The following RHOU variants were observed in gnomAD, a reference collection of about 807,000 sequenced individuals.
The protein encoded by RHOU is ras homolog family member U.
RHOU carries 8 observed loss-of-function variants against 12.6 expected under a neutral mutation model. That is an observed-to-expected ratio of 0.64 (90% CI 0.37 to 1.15). The LOEUF is 1.15. Ranked by LOEUF, RHOU falls within the 50% of genes most tolerant of loss-of-function variation. The pLI, the probability that RHOU is intolerant of heterozygous loss-of-function variation, is 0.01. For synonymous variants in RHOU, 161 were observed against 147.4 expected (o/e 1.09, Z -0.67); for missense variants, 258 against 347.0 (o/e 0.74, Z 2.04).
chr1:228,699,878 A>G, the RHOU span, among the ~76,000 whole-genome samples: 1 of 152,188 alleles, frequency 6.6e-6, no homozygotes, highest in Non-Finnish European at 1.5e-5. Flanking sequence ...GTTGAATGAA[A>G]TCTCTCTATA....
At chr1:228,654,035 G>A in the RHOU span, among the ~76,000 whole-genome samples, 1 of 151,798 alleles carries the variant, frequency 6.6e-6, no homozygotes, top group Non-Finnish European at 1.5e-5. Flanking sequence ...ATTTTTCTAG[G>A]TTCCCCCAAT....
chr1:228,689,294 G>A, the RHOU span, among the ~76,000 whole-genome samples: 5 of 152,168 alleles, frequency 3.3e-5, no homozygotes, highest in East Asian at 7.7e-4. Flanking sequence ...GCCAGACAAT[G>A]TGAAAGGGTA....
the RHOU span, among the ~76,000 whole-genome samples, chr1:228,683,935 A>G: frequency 6.6e-6 from 1 of 152,272 alleles, no homozygotes; most frequent in Non-Finnish European, 1.5e-5. Flanking sequence ...GACAATTGGA[A>G]TGATGGGTCA....
At chr1:228,671,498 C>T in the RHOU span, among the ~76,000 whole-genome samples, 4 of 151,722 alleles carry the variant, frequency 2.6e-5, no homozygotes, top group Non-Finnish European at 4.4e-5. Flanking sequence ...AAGTGGATTA[C>T]GTTAGGTCAG....
At chr1:228,649,026 G>C in the RHOU span, among the ~76,000 whole-genome samples, 6 of 152,044 alleles carry the variant, frequency 3.9e-5, no homozygotes, top group Non-Finnish European at 8.8e-5. Flanking sequence ...AACCTCGCCT[G>C]GCTAGTTTTT....
chr1:228,717,432 C>A, the RHOU span, among the ~76,000 whole-genome samples: 1 of 152,292 alleles, frequency 6.6e-6, no homozygotes, highest in East Asian at 1.9e-4. Flanking sequence ...GTTAGTATCA[C>A]TTTAGTGTAA....
chr1:228,680,038 A>G, the RHOU span, among the ~76,000 whole-genome samples: 1 of 152,174 alleles, frequency 6.6e-6, no homozygotes. Context: ...GAGGTTAAGA[A>G]GCCTGGCTGT....
the RHOU span, among the ~76,000 whole-genome samples, chr1:228,707,252 TATAGTG>T: frequency 0.011 from 821 of 77,130 alleles, 5 homozygotes; most frequent in Middle Eastern, 0.017. Flanking sequence ...TATATATATA[TATAGTG>T]TGTGTGTGTG....
chr1:228,681,619 G>C, the RHOU span, among the ~76,000 whole-genome samples: 1 of 152,140 alleles, frequency 6.6e-6, no homozygotes, highest in Non-Finnish European at 1.5e-5. Context: ...TCTAGGTCTC[G>C]TGGGATGGAG....
chr1:228,724,765 A>T, the RHOU span, among the ~76,000 whole-genome samples: 1 of 152,232 alleles, frequency 6.6e-6, no homozygotes. Flanking sequence ...GGTTGTATCC[A>T]GTAAGTGTTG....
the RHOU span, among the ~76,000 whole-genome samples, chr1:228,675,391 A>T: frequency 6.6e-6 from 1 of 152,002 alleles, no homozygotes; most frequent in Non-Finnish European, 1.5e-5. Context: ...TATTTCCACA[A>T]ATTTTAGATT....
At chr1:228,650,501 T>C in the RHOU span, 1 of 456,646 alleles carries the variant, frequency 2.2e-6, no homozygotes, top group Non-Finnish European at 4.4e-6. Context: ...GTGATGGTGC[T>C]GAACTAGGGG....
At position 228,737,008 on chromosome 1, in the gene RHOU, C is replaced by A. The variant is rs143862686; in HGVS notation, c.263-665C>A. Among the ~76,000 whole-genome samples, 1 of 144,876 alleles carries A rather than the reference C, an allele frequency of 6.9e-6. No individual in the cohort carries two copies. The highest frequency in any genetic ancestry group is 2.6e-5 in the African/African-American group (1 of 39,012). On this transcript the variant is annotated intron_variant, in intron 1 of 2. Coordinates refer to ENST00000366691, the MANE Select transcript of RHOU (RefSeq NM_021205.6). The surrounding 1 kb of genome is among the most constrained non-coding windows in gnomAD (Gnocchi z 4.1). ...AATTAGAAAGTTGTGTAGAAAGAGA[C>A]AAAACTGACTGCTTAATTAAAATAG...
the RHOU span, among the ~76,000 whole-genome samples, chr1:228,684,237 C>A: frequency 2.3e-4 from 35 of 152,152 alleles, no homozygotes; most frequent in East Asian, 5.1e-3. Flanking sequence ...GGGTTTCACC[C>A]TGATGGCCAG....
the RHOU span, among the ~76,000 whole-genome samples, chr1:228,662,039 C>G: frequency 6.6e-6 from 1 of 152,170 alleles, no homozygotes; most frequent in African/African-American, 2.4e-5. Context: ...AGACACTTCT[C>G]AAAAGAAGAC....
chr1:228,647,896 A>G, the RHOU span: 1 of 152,202 alleles, frequency 6.6e-6, no homozygotes, highest in Non-Finnish European at 1.5e-5. Flanking sequence ...AGAGGGAGGA[A>G]CTTGAAGTCT....
At chr1:228,722,659 T>C in the RHOU span, among the ~76,000 whole-genome samples, 1 of 151,308 alleles carries the variant, frequency 6.6e-6, no homozygotes, top group Non-Finnish European at 1.5e-5. Context: ...AGTCTCGCTC[T>C]ATCAGCAGGC....
chr1:228,669,925 G>T, the RHOU span, among the ~76,000 whole-genome samples: 1 of 152,282 alleles, frequency 6.6e-6, no homozygotes, highest in Middle Eastern at 3.4e-3. Flanking sequence ...ACGACCACAA[G>T]AATATAAACA....
chr1:228,741,312 G>A (rs1662717215), intron 2 of RHOU, among the ~76,000 whole-genome samples: 1 of 152,196 alleles, frequency 6.6e-6, no homozygotes, highest in African/African-American at 2.4e-5. Flanking sequence ...TTTCAGGTCA[G>A]GCACTGAGCA....
Sources: gnomAD v4.1 joint callset for allele counts (sites outside exome capture counted in the v4.1 genomes callset) on GRCh38, gnomAD v4.1.1 for gene constraint, Gnocchi (gnomAD v3.1) non-coding constraint, MANE v1.5 for transcripts, NCBI Gene and HGNC (gene_info 2026-07-23, HGNC 2026-07-21) for gene names.